COL4A2: variants seen among roughly 807,000 people sequenced by gnomAD.
COL4A2 encodes collagen type IV alpha 2 chain, also known as collagen alpha-2(IV) chain.
Under a neutral mutation model 200.2 loss-of-function variants are expected in COL4A2, and 99 were observed. That is an observed-to-expected ratio of 0.49 (90% CI 0.42 to 0.58). The LOEUF (loss-of-function observed/expected upper bound fraction) is 0.58. Ranked by LOEUF, COL4A2 falls within the 20% of genes least tolerant of loss-of-function variation. The probability of loss-of-function intolerance (pLI) is 0.00; values close to 1 mark genes in which losing one functional copy is unlikely to be tolerated. For synonymous variants in COL4A2, 897 were observed against 900.6 expected (o/e 1.00, Z 0.07); for missense variants, 1,950 against 2,314.1 (o/e 0.84, Z 3.23).
chr13:110,332,037 T>C (rs1277220955), intron 3 of COL4A2, among the ~76,000 whole-genome samples: 3 of 152,248 alleles, frequency 2.0e-5, no homozygotes, highest in African/African-American at 4.8e-5. Context: ...CCCAAGCTCA[T>C]TCATTAATTC....
intron 4 of COL4A2, among the ~76,000 whole-genome samples, chr13:110,360,144 C>T (rs1259226080): frequency 2.0e-5 from 3 of 152,246 alleles, no homozygotes; most frequent in Non-Finnish European, 4.4e-5. Context: ...CAGCCCTTGA[C>T]TGGCTCAGCC....
chr13:110,417,508 A>G (rs1880087939), intron 4 of COL4A2, among the ~76,000 whole-genome samples: 1 of 152,254 alleles, frequency 6.6e-6, no homozygotes, highest in South Asian at 2.1e-4. Flanking sequence ...GGCATAATTG[A>G]CATGCAAGTC....
At chr13:110,433,317 G>A (rs1219482964) in intron 11 of COL4A2, among the ~76,000 whole-genome samples, 2 of 152,260 alleles carry the variant, frequency 1.3e-5, no homozygotes, top group Admixed American at 1.3e-4. Context: ...TGAGGAGGCA[G>A]CAGCCAAGCC....
intron 3 of COL4A2, among the ~76,000 whole-genome samples, chr13:110,322,805 A>G (rs1297171212): frequency 6.6e-6 from 1 of 152,216 alleles, no homozygotes; most frequent in Non-Finnish European, 1.5e-5. Context: ...GGACCTTCAC[A>G]TAGATGCTGG....
In COL4A2 at chr13:110,317,099, A is replaced by G. The variant is rs556787954; in HGVS notation, c.99+8976A>G. On this transcript the variant is annotated intron_variant, in intron 3 of 47. Transcript: ENST00000360467. ...ACACATGCACCCAGCACACACATAC[A>G]GACACACACATGCACATATAGACAC... 2.0e-5 allele frequency among the ~76,000 whole-genome samples: 3 copies of G among 151,702 alleles called. No individual in the cohort carries two copies. In the East Asian group the frequency reaches 5.8e-4, roughly 29 times the overall value.
At chr13:110,328,768 T>C (rs1875765148) in intron 3 of COL4A2, among the ~76,000 whole-genome samples, 1 of 152,206 alleles carries the variant, frequency 6.6e-6, no homozygotes, top group South Asian at 2.1e-4. Context: ...CAGCAGCGTC[T>C]CCTAGCAGAT....
At chr13:110,436,443 C>T in intron 13 of COL4A2, 76 bp downstream of exon 13, 3 of 1,517,182 alleles carry the variant, frequency 2.0e-6, no homozygotes, top group Non-Finnish European at 2.7e-6. Context: ...CAATTGTATT[C>T]AACCACATTC....
At position 110,478,063 on chromosome 13, in the gene COL4A2, C is replaced by T; in HGVS notation, c.2486C>T (p.Ser829Phe). 1 of 1,605,684 alleles carries T rather than the reference C, an allele frequency of 6.2e-7. No homozygotes were observed. The highest frequency in any genetic ancestry group is 8.5e-7 in the Non-Finnish European group (1 of 1,174,644). ...GGCCAGCCAGGCCTCCCAGGACCTT[C>T]CGGCCAGCCAGGCCTGTATGGGCCT... is the stretch of plus-strand genomic sequence containing the variant. ...LKGQPGLPGP[S>F]GQPGLYGPPG... The change falls in exon 30 of 48, where the codon TCC becomes TTC. Residue 829 changes from serine to phenylalanine, a missense_variant. Physicochemically the swap from Ser to Phe is radical, Grantham distance 155. This residue lies in a region of COL4A2 where 1,385 missense variants were observed against 1,720.5 expected (regional missense o/e 0.80). Coordinates refer to ENST00000360467, the MANE Select transcript of COL4A2 (RefSeq NM_001846.4).
chr13:110,396,678 A>C (rs1424860728), intron 4 of COL4A2, among the ~76,000 whole-genome samples: 1 of 152,142 alleles, frequency 6.6e-6, no homozygotes. Flanking sequence ...ATTAAACCCC[A>C]TGGCAGTCTA....
chr13:110,385,025 G>A (rs906094830), intron 4 of COL4A2, among the ~76,000 whole-genome samples: 6 of 152,248 alleles, frequency 3.9e-5, no homozygotes, highest in African/African-American at 1.4e-4. Context: ...AGCACTTTGG[G>A]AGGCTGAGGC....
rs76743739 is a variant in COL4A2 at position 110,387,397 on chromosome 13, G to A, written c.180+29845G>A. Among the ~76,000 whole-genome samples, 244 of 152,346 alleles carry A rather than the reference G, an allele frequency of 1.6e-3. 1 individual carries two copies. Among genetic ancestry groups the A allele is most frequent in the East Asian group, 0.011 (56 of 5,178 alleles). On this transcript the variant is annotated intron_variant, in intron 4 of 47. Coordinates refer to ENST00000360467, the MANE Select transcript of COL4A2 (RefSeq NM_001846.4). ...TGAGAATGGCATCTCACGTCCCCACGGAGAGAATTGTGATGCCCGGACATC... is the reference window on the plus strand; with the variant it reads ...TGAGAATGGCATCTCACGTCCCCACAGAGAGAATTGTGATGCCCGGACATC...
At chr13:110,442,960 T>C (rs1055309327) in intron 16 of COL4A2, among the ~76,000 whole-genome samples, 1 of 152,246 alleles carries the variant, frequency 6.6e-6, no homozygotes. Context: ...CCCCCCTCAA[T>C]AGGACCATTG....
chr13:110,503,336 C>G, intron 42 of COL4A2, 47 bp from the exon 43 acceptor site: 1 of 1,587,840 alleles, frequency 6.3e-7, no homozygotes, highest in South Asian at 1.1e-5. Context: ...GAGAGGAGCC[C>G]CCTCCCCACA....
At chr13:110,325,455 A>G (rs187944648) in intron 3 of COL4A2, among the ~76,000 whole-genome samples, 327 of 152,356 alleles carry the variant, frequency 2.1e-3, no homozygotes, top group Admixed American at 3.7e-3. Flanking sequence ...GGAAAATTCC[A>G]TGAAAGAAAC....
intron 29 of COL4A2, 122 bp downstream of exon 29, chr13:110,473,272 C>G (rs890709854): frequency 2.4e-6 from 2 of 829,800 alleles, no homozygotes; most frequent in Non-Finnish European, 1.8e-6. Flanking sequence ...GCTAGCCATG[C>G]GTACCTTCTC....
chr13:110,341,287 G>A (rs1876442732), intron 3 of COL4A2, among the ~76,000 whole-genome samples: 1 of 152,236 alleles, frequency 6.6e-6, no homozygotes, highest in Non-Finnish European at 1.5e-5. Context: ...CCTGCTTTCT[G>A]TCATGTTCCC....
intron 3 of COL4A2, among the ~76,000 whole-genome samples, chr13:110,341,441 G>T (rs922552294): frequency 3.3e-5 from 5 of 152,216 alleles, no homozygotes; most frequent in Admixed American, 3.3e-4. Context: ...TTACTGTTCA[G>T]GGCTGTTGAT....
chr13:110,497,099 C>G (rs1413974602), intron 40 of COL4A2, among the ~76,000 whole-genome samples: 1 of 151,700 alleles, frequency 6.6e-6, no homozygotes, highest in Non-Finnish European at 1.5e-5. Flanking sequence ...CCAGCACAGC[C>G]TCAGTCAGGG....
At chr13:110,509,270 T>TATATACACACACAC (rs1435137108) in intron 47 of COL4A2, among the ~76,000 whole-genome samples, 14 of 115,598 alleles carry the variant, frequency 1.2e-4, no homozygotes, top group African/African-American at 4.5e-4. Context: ...TATATATATA[T>TATATACACACACAC]ACACACACAC....
Sources: allele counts gnomAD v4.1 joint callset (sites outside exome capture counted in the v4.1 genomes callset), GRCh38; gene constraint gnomAD v4.1.1; regional missense constraint gnomAD v4.1.1; transcripts MANE v1.5; gene names NCBI Gene and HGNC (gene_info 2026-07-23, HGNC 2026-07-21).